Variants in SLC35F1 observed in about 807,000 individuals in gnomAD.
SLC35F1 encodes solute carrier family 35 member F1.
SLC35F1 carries 14 observed loss-of-function variants against 48.7 expected under a neutral mutation model. That is an observed-to-expected ratio of 0.29 (90% CI 0.19 to 0.45). SLC35F1 has a LOEUF of 0.45. Ranked by LOEUF, SLC35F1 falls within the 20% of genes least tolerant of loss-of-function variation. SLC35F1 has a pLI of 1.00. For missense variants in SLC35F1, 404 were observed against 500.0 expected, an observed-to-expected ratio of 0.81 and a Z score of 1.83; for synonymous variants, 190 against 202.2, an observed-to-expected ratio of 0.94 and a Z score of 0.51.
chr6:118,310,822 A>T (rs1776363997), intron 7 of SLC35F1, among the ~76,000 whole-genome samples: 1 of 152,238 alleles, frequency 6.6e-6, no homozygotes, highest in South Asian at 2.1e-4. Context: ...TTCTGTAAGG[A>T]ATTTCTCGCT....
chr6:118,112,816 C>T (rs62423666), intron 1 of SLC35F1, among the ~76,000 whole-genome samples: 13 of 152,030 alleles, frequency 8.6e-5, no homozygotes, highest in Non-Finnish European at 1.6e-4. Flanking sequence ...AAAAAACAAC[C>T]AACAAAGTCA....
chr6:118,011,358 C>T (rs1413204125), intron 1 of SLC35F1, among the ~76,000 whole-genome samples: 2 of 152,082 alleles, frequency 1.3e-5, no homozygotes, highest in South Asian at 2.1e-4. Context: ...GAAGGGGAAG[C>T]AGGTACATCT....
intron 4 of SLC35F1, among the ~76,000 whole-genome samples, chr6:118,269,239 T>TA (rs1166566487): frequency 3.9e-5 from 6 of 152,218 alleles, no homozygotes; most frequent in African/African-American, 1.4e-4. Context: ...GTGTCATTTT[T>TA]AAAAAAACAA....
chr6:118,189,864 G>C (rs1774708218), intron 2 of SLC35F1, among the ~76,000 whole-genome samples: 1 of 152,188 alleles, frequency 6.6e-6, no homozygotes, highest in African/African-American at 2.4e-5. Flanking sequence ...ATTAGTCACA[G>C]GTTGGCATTT....
At chr6:117,968,443 G>A (rs1382307129) in intron 1 of SLC35F1, among the ~76,000 whole-genome samples, 2 of 152,216 alleles carry the variant, frequency 1.3e-5, no homozygotes, top group Non-Finnish European at 2.9e-5. Context: ...TTGAGGAGCA[G>A]TAGGGAGGGA....
intron 1 of SLC35F1, among the ~76,000 whole-genome samples, chr6:118,084,654 G>A (rs79839449): frequency 0.012 from 1,795 of 152,160 alleles, 29 homozygotes; most frequent in African/African-American, 0.04. Flanking sequence ...GGGTTTCAAA[G>A]GTAGGTGATC....
intron 2 of SLC35F1, among the ~76,000 whole-genome samples, chr6:118,167,208 T>G (rs1162647651): frequency 1.3e-5 from 2 of 151,858 alleles, no homozygotes; most frequent in East Asian, 1.9e-4. Context: ...GAGTGACGAG[T>G]AAAGAGTCCC....
Position 118,072,640 on chromosome 6 carries a change from TAATA to T in SLC35F1, c.174-81804_174-81801del, listed in dbSNP as rs1419662344. Among the ~76,000 whole-genome samples, 7 of 152,212 alleles carry T rather than the reference TAATA, an allele frequency of 4.6e-5. No individual in the cohort carries two copies. The East Asian group carries it at 1.3e-3, about 29-fold the overall frequency. ...TTCTCTTTTTTTGTTTCCTACAGGA[TAATA>T]TTTCATTTTTTGTTCTAATATTGGA... On this transcript the variant is annotated intron_variant, in intron 1 of 7. Coordinates refer to ENST00000360388, the MANE Select transcript of SLC35F1 (RefSeq NM_001029858.4).
chr6:118,298,368 T>C (rs902470558), intron 7 of SLC35F1, among the ~76,000 whole-genome samples: 1 of 152,118 alleles, frequency 6.6e-6, no homozygotes, highest in South Asian at 2.1e-4. Flanking sequence ...TGTCTTTACA[T>C]TCATAGGTCA....
intron 1 of SLC35F1, among the ~76,000 whole-genome samples, chr6:118,145,535 T>TCAGC (rs1432614487): frequency 6.6e-6 from 1 of 152,206 alleles, no homozygotes; most frequent in Admixed American, 6.5e-5. Context: ...CCCTTCTTCA[T>TCAGC]CAGCCACATT....
At chr6:118,307,676 G>T (rs953603645) in intron 7 of SLC35F1, among the ~76,000 whole-genome samples, 14 of 152,122 alleles carry the variant, frequency 9.2e-5, no homozygotes, top group African/African-American at 3.4e-4. Flanking sequence ...AAATTAGGAG[G>T]TCAGGCATCA....
At chr6:118,168,230 G>T (rs928616514) in intron 2 of SLC35F1, among the ~76,000 whole-genome samples, 1 of 152,022 alleles carries the variant, frequency 6.6e-6, no homozygotes, top group African/African-American at 2.4e-5. Context: ...GCCGCTTCTT[G>T]GTTGCTGGGC....
rs980326724 is a variant in SLC35F1, at chr6:117,918,020, T to C, written c.173+10121T>C. Among the ~76,000 whole-genome samples, 6 of 151,388 alleles carry C rather than the reference T, an allele frequency of 4.0e-5. 1 individual carries two copies. In the East Asian group the frequency reaches 1.2e-3, roughly 30 times the overall value. On this transcript the variant is annotated intron_variant, in intron 1 of 7. Coordinates refer to ENST00000360388, the MANE Select transcript of SLC35F1 (RefSeq NM_001029858.4). Reference sequence around the variant, plus strand: ...AATAAGCAGTCCACTGTGCTGAGAGTAATTGAGGAAAGGACAGATAAATGA... The same window carrying C: ...AATAAGCAGTCCACTGTGCTGAGAGCAATTGAGGAAAGGACAGATAAATGA...
rs283081 is a variant in SLC35F1, at chr6:118,284,658, G to T, written c.848-526G>T. Among the ~76,000 whole-genome samples, 11 of 151,990 alleles carry T rather than the reference G, an allele frequency of 7.2e-5. 1 individual carries two copies. In the South Asian group the frequency reaches 2.1e-3, roughly 29 times the overall value. On this transcript the variant is annotated intron_variant, in intron 6 of 7. Transcript: ENST00000360388. ...ATCATGTATTCCCAGCAATGAATTC[G>T]TCCACCCAAGGCCACACAGTCAAGA...
chr6:118,049,041 G>T (rs1772343629), intron 1 of SLC35F1, among the ~76,000 whole-genome samples: 1 of 152,046 alleles, frequency 6.6e-6, no homozygotes, highest in Non-Finnish European at 1.5e-5. Context: ...ACAGAACAGA[G>T]CCCTCAGAAA....
chr6:118,053,473 T>C (rs1772419670), intron 1 of SLC35F1, among the ~76,000 whole-genome samples: 2 of 152,206 alleles, frequency 1.3e-5, no homozygotes, highest in South Asian at 4.1e-4. Context: ...ATAACAATGT[T>C]AATACAGAAG....
chr6:118,121,691 T>C (rs1773554956), intron 1 of SLC35F1, among the ~76,000 whole-genome samples: 2 of 152,168 alleles, frequency 1.3e-5, no homozygotes, highest in South Asian at 4.1e-4. Flanking sequence ...CTCAAGGGAA[T>C]CAAATTGCTC....
At chr6:118,211,380 T>TA (rs2114548763) in intron 2 of SLC35F1, among the ~76,000 whole-genome samples, 1 of 152,302 alleles carries the variant, frequency 6.6e-6, no homozygotes, top group Non-Finnish European at 1.5e-5. Context: ...CATAAGGTCT[T>TA]ACGCAAAAAA....
At chr6:118,054,178 T>C (rs1340779593) in intron 1 of SLC35F1, among the ~76,000 whole-genome samples, 2 of 152,206 alleles carry the variant, frequency 1.3e-5, no homozygotes, top group Non-Finnish European at 2.9e-5. Flanking sequence ...TTCTTTCTTA[T>C]GGTCATTATA....
Sources: gnomAD v4.1 joint callset for allele counts (sites outside exome capture counted in the v4.1 genomes callset) on GRCh38, gnomAD v4.1.1 for gene constraint, MANE v1.5 for transcripts, NCBI Gene and HGNC (gene_info 2026-07-23, HGNC 2026-07-21) for gene names.